Variants in CALN1 observed in about 807,000 individuals in gnomAD.
CALN1 encodes calneuron 1, also known as calcium-binding protein 8.
CALN1 carries 17 observed loss-of-function variants against 30.6 expected under a neutral mutation model. The ratio of observed to expected loss-of-function variants is 0.56; its 90% confidence interval spans 0.38 to 0.83. The LOEUF (loss-of-function observed/expected upper bound fraction) is 0.83. Among genes scored for constraint, CALN1 ranks in the 40% least tolerant of loss-of-function variants. The pLI is 0.00. For synonymous variants in CALN1, 156 were observed against 131.4 expected, an observed-to-expected ratio of 1.19 and a Z score of -1.28; for missense variants, 291 against 354.9, an observed-to-expected ratio of 0.82 and a Z score of 1.45.
chr7:72,232,615 C>G (rs1012751030), intron 3 of CALN1, among the ~76,000 whole-genome samples: 1 of 60,962 alleles, frequency 1.6e-5, no homozygotes, highest in South Asian at 1.0e-3. Flanking sequence ...CACCTGCCAC[C>G]ATGCTGGCTA....
the CALN1 span, among the ~76,000 whole-genome samples, chr7:72,463,214 C>T: frequency 3.9e-5 from 6 of 152,292 alleles, no homozygotes; most frequent in Admixed American, 6.5e-5. Flanking sequence ...CTCCGCCTCC[C>T]GGGTTCAAGT....
intron 5 of CALN1, among the ~76,000 whole-genome samples, chr7:71,970,235 A>C (rs1351020835): frequency 2.0e-5 from 3 of 152,160 alleles, no homozygotes; most frequent in Non-Finnish European, 2.9e-5. Flanking sequence ...TTATCACTAT[A>C]TATACAGGTT....
At chr7:72,410,429 C>T (rs561962822) in intron 1 of CALN1, among the ~76,000 whole-genome samples, 3 of 152,312 alleles carry the variant, frequency 2.0e-5, no homozygotes, top group East Asian at 3.9e-4. Context: ...AAGCGAAATC[C>T]TTCTACATGA....
chr7:72,056,252 T>C (rs1803250869), intron 4 of CALN1, among the ~76,000 whole-genome samples: 1 of 152,158 alleles, frequency 6.6e-6, no homozygotes, highest in Non-Finnish European at 1.5e-5. Flanking sequence ...TTTGGAAGAA[T>C]GAGCAGGAAA....
chr7:72,081,592 T>C (rs1359430460), intron 4 of CALN1, among the ~76,000 whole-genome samples: 3 of 152,088 alleles, frequency 2.0e-5, no homozygotes, highest in African/African-American at 7.2e-5. Context: ...CGAGCTAGTT[T>C]TTATCTTTTT....
At chr7:71,796,446 G>A (rs543676228) in intron 6 of CALN1, among the ~76,000 whole-genome samples, 2 of 144,072 alleles carry the variant, frequency 1.4e-5, no homozygotes, top group Admixed American at 7.4e-5. Context: ...TGCAACCTCC[G>A]CCTCCCAAAT....
Position 71,907,239 on chromosome 7 carries a change from AACACAC to A in CALN1, c.502-96753_502-96748del, listed in dbSNP as rs71531773. Reference sequence around the variant, plus strand: ...TACTTTTAAACAGAAATGAGGTTTAAACACACACACACACACACACACACACACAAC... The same window carrying A: ...TACTTTTAAACAGAAATGAGGTTTAAACACACACACACACACACACACAAC... On this transcript the variant is annotated intron_variant, in intron 5 of 6. Transcript: ENST00000395275. 2.7e-5 allele frequency among the ~76,000 whole-genome samples: 4 copies of A among 147,838 alleles called. No homozygotes were observed. In the Middle Eastern group the frequency reaches 0.01, roughly 380 times the overall value.
chr7:72,381,235 G>GT (rs1352033449), intron 2 of CALN1, among the ~76,000 whole-genome samples: 3 of 152,180 alleles, frequency 2.0e-5, no homozygotes, highest in African/African-American at 7.2e-5. Context: ...TACACTGTTG[G>GT]TGAGAGTGTA....
intron 3 of CALN1, among the ~76,000 whole-genome samples, chr7:72,262,128 G>A (rs964313464): frequency 6.6e-5 from 10 of 152,146 alleles, no homozygotes; most frequent in Non-Finnish European, 8.8e-5. Flanking sequence ...CTGGTCAACC[G>A]GCCTTGCTTT....
At chr7:72,409,145 G>A (rs750481289) in intron 1 of CALN1, among the ~76,000 whole-genome samples, 19 of 151,668 alleles carry the variant, frequency 1.3e-4, no homozygotes, top group Non-Finnish European at 2.1e-4. Context: ...ACAGGCGCCC[G>A]CCACCGCTCC....
chr7:72,405,156 G>C (rs951661084), intron 1 of CALN1, among the ~76,000 whole-genome samples: 2 of 152,130 alleles, frequency 1.3e-5, no homozygotes, highest in Non-Finnish European at 2.9e-5. Flanking sequence ...GATTGGGCCG[G>C]CACTTCCCAA....
At chr7:72,419,561 T>A (rs1031448851) in intron 1 of CALN1, among the ~76,000 whole-genome samples, 1 of 151,946 alleles carries the variant, frequency 6.6e-6, no homozygotes, top group Non-Finnish European at 1.5e-5. Flanking sequence ...GGCCTTAGAG[T>A]CATCCTGATA....
intron 5 of CALN1, among the ~76,000 whole-genome samples, chr7:71,861,782 A>AT (rs1791295746): frequency 7.2e-6 from 1 of 138,320 alleles, no homozygotes; most frequent in African/African-American, 2.5e-5. Flanking sequence ...CTATCCAAAA[A>AT]AAAAAAAAAA....
intron 3 of CALN1, among the ~76,000 whole-genome samples, chr7:72,254,597 C>T (rs920403043): frequency 6.6e-6 from 1 of 152,072 alleles, no homozygotes; most frequent in Non-Finnish European, 1.5e-5. Context: ...AAACAGTGAT[C>T]AGAGGCTCAG....
chr7:72,192,004 C>T (rs893237086), intron 3 of CALN1, among the ~76,000 whole-genome samples: 1 of 152,094 alleles, frequency 6.6e-6, no homozygotes, highest in African/African-American at 2.4e-5. Context: ...ACCACAGTTA[C>T]TTTTGCACCA....
At chr7:71,931,915 C>T (rs1350871074) in intron 5 of CALN1, among the ~76,000 whole-genome samples, 2 of 152,152 alleles carry the variant, frequency 1.3e-5, no homozygotes, top group African/African-American at 4.8e-5. Context: ...TACATCAAAC[C>T]TTGATTTGGA....
chr7:72,398,318 A>G (rs1374243337), intron 2 of CALN1, among the ~76,000 whole-genome samples: 2 of 152,332 alleles, frequency 1.3e-5, no homozygotes, highest in East Asian at 3.9e-4. Context: ...AGGGAAAACT[A>G]GAGAGAAAAG....
chr7:72,090,800 T>C (rs748219760), intron 4 of CALN1, among the ~76,000 whole-genome samples: 1 of 152,202 alleles, frequency 6.6e-6, no homozygotes, highest in African/African-American at 2.4e-5. Flanking sequence ...GAAGACACTA[T>C]GTTAAGTGAA....
At chr7:72,475,442 G>C in the CALN1 span, among the ~76,000 whole-genome samples, 2 of 152,144 alleles carry the variant, frequency 1.3e-5, no homozygotes, top group Non-Finnish European at 2.9e-5. Flanking sequence ...CTGGGCGACA[G>C]AGTGAGACTC....
Sources: allele counts gnomAD v4.1 joint callset (sites outside exome capture counted in the v4.1 genomes callset), GRCh38; gene constraint gnomAD v4.1.1; transcripts MANE v1.5; gene names NCBI Gene and HGNC (gene_info 2026-07-23, HGNC 2026-07-21).